BLTP3A: variants seen among roughly 807,000 people sequenced by gnomAD.
BLTP3A encodes ICBP90 binding protein 1.
At chr6:34,862,945 G>A in the BLTP3A span, among the ~76,000 whole-genome samples, 2 of 150,588 alleles carry the variant, frequency 1.3e-5, no homozygotes, top group Non-Finnish European at 3.0e-5. Context: ...GTCTCACTCT[G>A]TCGCCCAGGC....
chr6:34,814,115 C>G, the BLTP3A span, among the ~76,000 whole-genome samples: 1 of 152,150 alleles, frequency 6.6e-6, no homozygotes, highest in Admixed American at 6.6e-5. Context: ...CTCCTGGGTT[C>G]AAGCAATTCT....
the BLTP3A span, among the ~76,000 whole-genome samples, chr6:34,864,945 G>A: frequency 6.6e-6 from 1 of 152,040 alleles, no homozygotes; most frequent in South Asian, 2.1e-4. Context: ...TCCAGCCTGG[G>A]CGACAGCGAG....
At chr6:34,838,151 AC>A in the BLTP3A span, among the ~76,000 whole-genome samples, 1 of 152,262 alleles carries the variant, frequency 6.6e-6, no homozygotes, top group African/African-American at 2.4e-5. Flanking sequence ...TATTTATCTT[AC>A]AAGGAGATTC....
At chr6:34,859,204 A>G in the BLTP3A span, 18 of 1,614,036 alleles carry the variant, frequency 1.1e-5, no homozygotes, top group Non-Finnish European at 1.4e-5. Flanking sequence ...GAGGCCACAT[A>G]GCAATGGAGA....
the BLTP3A span, among the ~76,000 whole-genome samples, chr6:34,828,369 T>TGAACCCAG: frequency 2.0e-5 from 3 of 150,670 alleles, no homozygotes; most frequent in African/African-American, 7.3e-5. Flanking sequence ...GAGAATTGCT[T>TGAACCCAG]GAACCCAGGA....
At chr6:34,836,522 G>A in the BLTP3A span, among the ~76,000 whole-genome samples, 1 of 152,226 alleles carries the variant, frequency 6.6e-6, no homozygotes, top group Non-Finnish European at 1.5e-5. Flanking sequence ...TGTTGTTTGA[G>A]GCAGTGCTGT....
At chr6:34,799,974 A>G in the BLTP3A span, among the ~76,000 whole-genome samples, 1 of 151,402 alleles carries the variant, frequency 6.6e-6, no homozygotes, top group Non-Finnish European at 1.5e-5. Flanking sequence ...AGACATTTAG[A>G]TATTTGGAAA....
At chr6:34,794,809 G>A in the BLTP3A span, among the ~76,000 whole-genome samples, 2 of 150,142 alleles carry the variant, frequency 1.3e-5, no homozygotes, top group African/African-American at 4.9e-5. Context: ...TTTTTGAGAC[G>A]GAGTCTCACT....
At chr6:34,834,484 C>A in the BLTP3A span, 1 of 1,556,344 alleles carries the variant, frequency 6.4e-7, no homozygotes, top group South Asian at 1.2e-5. Context: ...ATATTATTCC[C>A]ATTTTGTGGA....
the BLTP3A span, among the ~76,000 whole-genome samples, chr6:34,804,219 T>C: frequency 6.6e-6 from 1 of 152,216 alleles, no homozygotes; most frequent in Non-Finnish European, 1.5e-5. Flanking sequence ...TCTTCCTGGA[T>C]GTCTGGGCTG....
the BLTP3A span, chr6:34,836,020 T>G: frequency 9.0e-7 from 1 of 1,115,950 alleles, no homozygotes; most frequent in Non-Finnish European, 1.3e-6. Flanking sequence ...AGTGAGCTAC[T>G]AGGCCAACAG....
the BLTP3A span, chr6:34,863,949 A>G: frequency 1.3e-6 from 2 of 1,512,598 alleles, no homozygotes; most frequent in African/African-American, 2.8e-5. Context: ...GTGGATGGGA[A>G]TAAACATGTC....
the BLTP3A span, among the ~76,000 whole-genome samples, chr6:34,848,006 G>A: frequency 7.4e-6 from 1 of 135,940 alleles, no homozygotes; most frequent in African/African-American, 2.8e-5. Context: ...TGCATCCTCT[G>A]CCTCCTGGGC....
At chr6:34,826,028 T>TC in the BLTP3A span, among the ~76,000 whole-genome samples, 1,856 of 51,308 alleles carry the variant, frequency 0.036, 125 homozygotes, top group African/African-American at 0.22. Context: ...CATTTTGCAT[T>TC]TTTTTTTTTT....
chr6:34,859,434 G>A, the BLTP3A span: 4 of 1,614,170 alleles, frequency 2.5e-6, no homozygotes, highest in Non-Finnish European at 3.4e-6. Flanking sequence ...ACATGACCAA[G>A]GATGCCACCA....
the BLTP3A span, among the ~76,000 whole-genome samples, chr6:34,796,897 G>T: frequency 6.6e-6 from 1 of 152,158 alleles, no homozygotes; most frequent in Non-Finnish European, 1.5e-5. Flanking sequence ...TAGAGATGGG[G>T]TTTCATCATG....
chr6:34,809,619 G>A, the BLTP3A span, among the ~76,000 whole-genome samples: 1 of 152,104 alleles, frequency 6.6e-6, no homozygotes, highest in Admixed American at 6.5e-5. Flanking sequence ...AGACTGGAGT[G>A]CAGTGCTGTG....
chr6:34,801,380 T>G, the BLTP3A span, among the ~76,000 whole-genome samples: 4 of 152,174 alleles, frequency 2.6e-5, no homozygotes, highest in African/African-American at 9.7e-5. Context: ...TCTTGGTTGT[T>G]AGGGAACTAT....
chr6:34,826,026 A>ATTT, the BLTP3A span, among the ~76,000 whole-genome samples: 14 of 76,646 alleles, frequency 1.8e-4, no homozygotes, highest in Middle Eastern at 6.4e-3. Flanking sequence ...TACATTTTGC[A>ATTT]TTTTTTTTTT....
Sources: allele counts gnomAD v4.1 joint callset (sites outside exome capture counted in the v4.1 genomes callset), GRCh38; gene constraint gnomAD v4.1.1; transcripts MANE v1.5; gene names NCBI Gene and HGNC (gene_info 2026-07-23, HGNC 2026-07-21).